Variants in GALNT17 observed in about 807,000 individuals in gnomAD.
GALNT17 encodes polypeptide N-acetylgalactosaminyltransferase 17.
In GALNT17, 29 loss-of-function variants were observed where a neutral mutation model predicts 63.7. That is an observed-to-expected ratio of 0.46 (90% CI 0.34 to 0.62). GALNT17 has a LOEUF of 0.62. GALNT17 is among the 20% of genes least tolerant of loss of function. GALNT17 has a pLI of 0.01. For missense variants in GALNT17, 603 were observed against 799.6 expected (o/e 0.75, Z 2.97); for synonymous variants, 305 against 318.3 (o/e 0.96, Z 0.45).
At chr7:71,703,091 G>A (rs149859539) in intron 9 of GALNT17, among the ~76,000 whole-genome samples, 5 of 152,300 alleles carry the variant, frequency 3.3e-5, no homozygotes, top group Middle Eastern at 3.4e-3. Flanking sequence ...TATTGAAAGC[G>A]CTGAGGATGG....
Position 71,180,493 on chromosome 7 carries a change from G to A in GALNT17, c.238+47453G>A, listed in dbSNP as rs78621462. On this transcript the variant is annotated intron_variant, in intron 1 of 10. Transcript: ENST00000333538. The stretch of plus-strand genomic sequence containing the variant: ...ATGGTGGGAAAGAAGGCTCCTTCAC[G>A]TTGACCTCCTGCTTTCTATTTCACA... 3.7e-3 allele frequency among the ~76,000 whole-genome samples: 566 copies of A among 152,218 alleles called. 3 individuals are homozygous for A. The highest frequency in any genetic ancestry group is 0.013 in the African/African-American group (553 of 41,538).
intron 6 of GALNT17, among the ~76,000 whole-genome samples, chr7:71,615,228 T>C (rs1219829207): frequency 6.6e-6 from 1 of 152,192 alleles, no homozygotes; most frequent in Non-Finnish European, 1.5e-5. Flanking sequence ...ATTTGTCATA[T>C]TTAATTTTAG....
intron 5 of GALNT17, among the ~76,000 whole-genome samples, chr7:71,542,360 A>T (rs1788906531): frequency 6.6e-6 from 1 of 151,978 alleles, no homozygotes; most frequent in African/African-American, 2.4e-5. Flanking sequence ...TAGAAAATCC[A>T]CTTGCTTTGC....
intron 5 of GALNT17, among the ~76,000 whole-genome samples, chr7:71,475,644 G>C (rs553388416): frequency 6.6e-6 from 1 of 152,288 alleles, no homozygotes; most frequent in African/African-American, 2.4e-5. Flanking sequence ...CTGCAGACCA[G>C]TACCTGTCTG....
At chr7:71,469,163 G>C (rs1168483762) in intron 5 of GALNT17, among the ~76,000 whole-genome samples, 1 of 152,128 alleles carries the variant, frequency 6.6e-6, no homozygotes, top group Admixed American at 6.5e-5. Flanking sequence ...GGTATGTGAA[G>C]GTTCTAAGGT....
At chr7:71,297,454 G>A (rs1791102688) in intron 1 of GALNT17, among the ~76,000 whole-genome samples, 1 of 152,190 alleles carries the variant, frequency 6.6e-6, no homozygotes, top group African/African-American at 2.4e-5. Flanking sequence ...TGAGGTAGGA[G>A]AATCACTTGA....
chr7:71,352,963 A>G (rs550808791), intron 2 of GALNT17, among the ~76,000 whole-genome samples: 1 of 152,150 alleles, frequency 6.6e-6, no homozygotes, highest in East Asian at 1.9e-4. Context: ...CTCAACAAGG[A>G]TATTCAACCC....
chr7:71,536,576 C>T (rs1788805779), intron 5 of GALNT17, among the ~76,000 whole-genome samples: 1 of 152,076 alleles, frequency 6.6e-6, no homozygotes, highest in Admixed American at 6.6e-5. Flanking sequence ...AGCAGAAAGC[C>T]CTGATAAAAC....
intron 4 of GALNT17, among the ~76,000 whole-genome samples, chr7:71,419,033 A>T (rs1420424088): frequency 1.3e-5 from 2 of 152,178 alleles, no homozygotes; most frequent in African/African-American, 4.8e-5. Flanking sequence ...GTGAGCTGAG[A>T]TCATGCCATT....
chr7:71,137,434 C>A (rs916046866), intron 1 of GALNT17, among the ~76,000 whole-genome samples: 2 of 152,222 alleles, frequency 1.3e-5, no homozygotes, highest in Non-Finnish European at 2.9e-5. Flanking sequence ...CCACCGCGCC[C>A]GGCCATTTTG....
intron 5 of GALNT17, among the ~76,000 whole-genome samples, chr7:71,529,314 A>G (rs899632268): frequency 2.0e-5 from 3 of 152,010 alleles, no homozygotes; most frequent in Non-Finnish European, 4.4e-5. Flanking sequence ...TGGGGGGGCA[A>G]TTAGAAATTC....
At chr7:71,575,039 G>A (rs149729020) in intron 6 of GALNT17, among the ~76,000 whole-genome samples, 5 of 152,204 alleles carry the variant, frequency 3.3e-5, no homozygotes, top group African/African-American at 4.8e-5. Flanking sequence ...CTTCATGTAC[G>A]GGTGTCTCGA....
At chr7:71,615,988 G>T (rs921146248) in intron 6 of GALNT17, among the ~76,000 whole-genome samples, 1 of 151,920 alleles carries the variant, frequency 6.6e-6, no homozygotes. Flanking sequence ...GAAAAGCCCA[G>T]AATTTGGATT....
intron 5 of GALNT17, among the ~76,000 whole-genome samples, chr7:71,518,170 T>A (rs2116743092): frequency 6.6e-6 from 1 of 152,050 alleles, no homozygotes; most frequent in South Asian, 2.1e-4. Flanking sequence ...CTTCAGAGGG[T>A]TTTAAGCAGG....
intron 1 of GALNT17, among the ~76,000 whole-genome samples, chr7:71,164,040 A>C (rs1788393389): frequency 6.6e-6 from 1 of 152,212 alleles, no homozygotes; most frequent in African/African-American, 2.4e-5. Flanking sequence ...TCTGTTATCG[A>C]GGAAAGAGCT....
chr7:71,614,929 A>G (rs1790179278), intron 6 of GALNT17, among the ~76,000 whole-genome samples: 1 of 151,706 alleles, frequency 6.6e-6, no homozygotes, highest in Admixed American at 6.6e-5. Flanking sequence ...AATAAGCAAA[A>G]AAAACCACTT....
At chr7:71,288,973 G>T (rs1281418168) in intron 1 of GALNT17, among the ~76,000 whole-genome samples, 1 of 152,172 alleles carries the variant, frequency 6.6e-6, no homozygotes, top group Non-Finnish European at 1.5e-5. Context: ...CCCATTTTAT[G>T]TATGGGGAAA....
chr7:71,702,094 T>TAGAA (rs1289642663), intron 9 of GALNT17, among the ~76,000 whole-genome samples: 1 of 151,390 alleles, frequency 6.6e-6, no homozygotes, highest in Non-Finnish European at 1.5e-5. Flanking sequence ...ACATTGGACA[T>TAGAA]AGAAATGGAA....
chr7:71,340,348 T>A (rs1791986979), intron 2 of GALNT17, among the ~76,000 whole-genome samples: 1 of 152,176 alleles, frequency 6.6e-6, no homozygotes, highest in Non-Finnish European at 1.5e-5. Flanking sequence ...TGAAATGGGA[T>A]GACTTCCCAG....
Sources: allele counts gnomAD v4.1 joint callset (sites outside exome capture counted in the v4.1 genomes callset), GRCh38; gene constraint gnomAD v4.1.1; transcripts MANE v1.5; gene names NCBI Gene and HGNC (gene_info 2026-07-23, HGNC 2026-07-21).